Variants in RIPPLY3 observed in about 807,000 individuals in gnomAD.
RIPPLY3 encodes the protein ripply transcriptional repressor 3.
In RIPPLY3, 8 loss-of-function variants were observed where a neutral mutation model predicts 11.9. The ratio of observed to expected loss-of-function variants is 0.67; its 90% confidence interval spans 0.40 to 1.21. The LOEUF is 1.21. RIPPLY3 is among the 50% of genes most tolerant of loss of function. The pLI, the probability that RIPPLY3 is intolerant of heterozygous loss-of-function variation, is 0.01. For missense variants in RIPPLY3, 271 were observed against 246.0 expected (o/e 1.10, Z -0.68); for synonymous variants, 102 against 99.0 (o/e 1.03, Z -0.18).
chr21:37,013,606 A>G lies in RIPPLY3; in HGVS notation c.227A>G (p.Gln76Arg). 1 of 1,613,612 alleles carries G rather than the reference A, an allele frequency of 6.2e-7. No individual in the cohort carries two copies. Among genetic ancestry groups the G allele is most frequent in the Non-Finnish European group, 8.5e-7 (1 of 1,179,634 alleles). The change falls in exon 3 of 4, where the codon CAG (glutamine) becomes CGG (arginine). Residue 76 changes from glutamine (Q) to arginine (R), a missense_variant. Physicochemically the swap from Gln to Arg is conservative, Grantham distance 43. Transcript: ENST00000329553. Reference protein sequence around the residue: ...TFGSKGAFGFQHPVRVYLPMS... With the variant: ...TFGSKGAFGFRHPVRVYLPMS... ...GGATCAAAGGGAGCCTTTGGGTTTC[A>G]GCATCCTGTAAGGTAATATACGACT...
chr21:37,010,951 G>A (rs562298119), intron 2 of RIPPLY3, among the ~76,000 whole-genome samples: 6 of 152,000 alleles, frequency 3.9e-5, no homozygotes, highest in Non-Finnish European at 7.4e-5. Context: ...TCCCTCAGCA[G>A]ACAAAGGATC....
chr21:37,013,474 T>C, intron 2 of RIPPLY3, 77 bp from the exon 3 acceptor site: 1 of 1,249,264 alleles, frequency 8.0e-7, no homozygotes, highest in South Asian at 1.3e-5. Context: ...ACTTACGTTC[T>C]GTGGTTTAAA....
chr21:37,007,274 C>T (rs759618645), intron 1 of RIPPLY3, among the ~76,000 whole-genome samples: 29 of 152,080 alleles, frequency 1.9e-4, no homozygotes, highest in Non-Finnish European at 3.8e-4. Context: ...GCTCGGCGTT[C>T]GCTGTCCCTG....
chr21:37,015,833 G>T (rs1236772891), intron 3 of RIPPLY3, among the ~76,000 whole-genome samples: 1 of 151,230 alleles, frequency 6.6e-6, no homozygotes, highest in Non-Finnish European at 1.5e-5. Context: ...CTCGGCCTCT[G>T]GAGTAGCTGG....
At chr21:37,010,432 G>T (rs918793521) in intron 2 of RIPPLY3, among the ~76,000 whole-genome samples, 3 of 152,188 alleles carry the variant, frequency 2.0e-5, no homozygotes, top group Non-Finnish European at 4.4e-5. Flanking sequence ...GGCAGAGGTT[G>T]CAGTGAGCTG....
intron 2 of RIPPLY3, 124 bp from the exon 3 acceptor site, chr21:37,013,425 ACT>A: frequency 1.5e-6 from 1 of 674,110 alleles, no homozygotes; most frequent in Non-Finnish European, 2.6e-6. Flanking sequence ...AGGTGTCTAA[ACT>A]CTCTAAAATT....
Position 37,006,725 on chromosome 21 carries a change from C to T in RIPPLY3, c.-48C>T. On this transcript the variant is annotated 5_prime_UTR_variant, in exon 1 of 4. Transcript: ENST00000329553. This position sits in a 1 kb window ranked among gnomAD's most constrained non-coding sequence, Gnocchi z 5.2. ...GCGTTAGCCCGAGTGGATCTAGGCG[C>T]GCTCGTAGGCCGGCGCCGCAGCAAG... The T allele has an allele frequency of 8.6e-7, 1 of 1,161,522 alleles. No individual in the cohort carries two copies. The highest frequency in any genetic ancestry group is 3.3e-5 in the East Asian group (1 of 30,268). The allele number at this position is 1,161,522 out of a possible 1,614,324, so 72.0% of individuals were successfully genotyped here.
At position 37,018,108 on chromosome 21, in the gene RIPPLY3, C is replaced by A. The variant is rs138020510; in HGVS notation, c.474C>A (p.Asn158Lys). Residue 158 changes from asparagine (N) to lysine (K), a missense_variant, in exon 4 of 4, where the codon AAC becomes AAA. Transcript: ENST00000329553. ...GAAAGGGCAGAGACCAGGGCATCAA[C>A]CAAGGGCAGCGATCCTCAGGAGGGG... ...PGGKGRDQGI[N>K]QGQRSSGGGD... The A allele has an allele frequency of 3.1e-5, 50 of 1,613,940 alleles. No homozygotes were observed. The African/African-American group carries it at 3.6e-4, about 12-fold the overall frequency.
chr21:37,009,923 A>G (rs899515320), intron 2 of RIPPLY3, among the ~76,000 whole-genome samples: 5 of 152,122 alleles, frequency 3.3e-5, no homozygotes, highest in Non-Finnish European at 7.3e-5. Flanking sequence ...CTCTTTGCAG[A>G]GCCCAGCTGG....
At chr21:37,009,234 A>ATTT (rs5843784) in intron 2 of RIPPLY3, among the ~76,000 whole-genome samples, 1,628 of 147,832 alleles carry the variant, frequency 0.011, 27 homozygotes, top group African/African-American at 0.038. Context: ...CTTTTACTTA[A>ATTT]TTTTTTTTTT....
upstream of RIPPLY3, chr21:37,006,683 C>A (rs1179667641): frequency 2.0e-5 from 17 of 845,206 alleles, no homozygotes; most frequent in Non-Finnish European, 2.2e-5. The surrounding 1 kb of genome is among the most constrained non-coding windows in gnomAD (Gnocchi z 5.2). Flanking sequence ...TTAAACCTGG[C>A]GCGCGGGTAG....
rs1256104035 is a variant in RIPPLY3 at position 37,006,895 on chromosome 21, C to T, written c.104+19C>T. The T allele has an allele frequency of 1.7e-6, 2 of 1,195,514 alleles. No individual in the cohort carries two copies. The highest frequency in any genetic ancestry group is 2.1e-6 in the Non-Finnish European group (2 of 958,482). 74.1% of individuals were successfully genotyped at this position (1,195,514 alleles called of 1,614,324 possible). A position where few individuals can be genotyped will look rare whatever the true frequency, so the allele number is the denominator to read the frequency against. Reference sequence around the variant, plus strand: ...CGGAGAGGTGAGGGTGGCCCCGCGCCCCGGTGGACGCGCTGAGAGGCGTGC... The same window carrying T: ...CGGAGAGGTGAGGGTGGCCCCGCGCTCCGGTGGACGCGCTGAGAGGCGTGC... On this transcript the variant is annotated intron_variant, in intron 1 of 3. Coordinates refer to ENST00000329553, the MANE Select transcript of RIPPLY3 (RefSeq NM_018962.3). The surrounding 1 kb of genome is among the most constrained non-coding windows in gnomAD (Gnocchi z 5.2).
rs758282717 is a variant in RIPPLY3, at chr21:37,017,879, A to G, written c.245A>G (p.Tyr82Cys). 4 of 1,610,514 alleles carry G rather than the reference A, an allele frequency of 2.5e-6. No individual in the cohort carries two copies. Among genetic ancestry groups the G allele is most frequent in the Non-Finnish European group, 3.4e-6 (4 of 1,178,076 alleles). Residue 82 changes from tyrosine (Y) to cysteine (C), a missense_variant, in exon 4 of 4, where the codon TAT (tyrosine) becomes TGT (cysteine). Physicochemically the swap from Tyr to Cys is radical, Grantham distance 194. Coordinates refer to ENST00000329553, the MANE Select transcript of RIPPLY3 (RefSeq NM_018962.3). ...AFGFQHPVRVYLPMSKRQEYL... is the reference protein window; with the variant it reads ...AFGFQHPVRVCLPMSKRQEYL... ...ATTTGTTTCTTAAATATTAGAGTCTATTTACCCATGTCAAAGCGTCAAGAA... is the reference window on the plus strand; with the variant it reads ...ATTTGTTTCTTAAATATTAGAGTCTGTTTACCCATGTCAAAGCGTCAAGAA...
chr21:37,018,805 G>A lies in RIPPLY3; in HGVS notation c.*598G>A, dbSNP rs2069608972. The A allele has an allele frequency of 6.6e-6, 1 of 152,036 alleles. No individual in the cohort carries two copies. Among genetic ancestry groups the A allele is most frequent in the South Asian group, 2.1e-4 (1 of 4,814 alleles). The allele number at this position is 152,036 out of a possible 1,614,324, so 9.4% of individuals were successfully genotyped here. Reference sequence around the variant, plus strand: ...CTTCTTGGGTTCAAGTGATTCTCCTGTCTCAGCCTCCCAAGTAGCTGGGAT... The same window carrying A: ...CTTCTTGGGTTCAAGTGATTCTCCTATCTCAGCCTCCCAAGTAGCTGGGAT... On this transcript the variant is annotated 3_prime_UTR_variant, in exon 4 of 4. Transcript: ENST00000329553.
chr21:37,016,071 G>A (rs988027848), intron 3 of RIPPLY3, among the ~76,000 whole-genome samples: 5 of 152,050 alleles, frequency 3.3e-5, no homozygotes, highest in African/African-American at 1.2e-4. Flanking sequence ...GAATACTTCA[G>A]CATAAATACC....
chr21:37,018,867 T>C lies in RIPPLY3; in HGVS notation c.*660T>C, dbSNP rs949704354. ...GCTACCACGCCTGGCTAATTTTTTG[T>C]ATTTTTAGTAGAGACTCGGTTTCAC... On this transcript the variant is annotated 3_prime_UTR_variant, in exon 4 of 4. Transcript: ENST00000329553. 1.3e-5 allele frequency: 2 copies of C among 151,944 alleles called. No homozygotes were observed. The highest frequency in any genetic ancestry group is 4.0e-4 in the East Asian group (2 of 5,056). 9.4% of individuals were successfully genotyped at this position (151,944 alleles called of 1,614,324 possible).
chr21:37,006,744 C>T lies in RIPPLY3; in HGVS notation c.-29C>T, dbSNP rs1036534790. On this transcript the variant is annotated 5_prime_UTR_variant, in exon 1 of 4. Coordinates refer to ENST00000329553, the MANE Select transcript of RIPPLY3 (RefSeq NM_018962.3). The surrounding 1 kb of genome is among the most constrained non-coding windows in gnomAD (Gnocchi z 5.2). Reference sequence around the variant, plus strand: ...TAGGCGCGCTCGTAGGCCGGCGCCGCAGCAAGGGGCGCGGGCTCCGCCGGC... The same window carrying T: ...TAGGCGCGCTCGTAGGCCGGCGCCGTAGCAAGGGGCGCGGGCTCCGCCGGC... 6 of 1,212,816 alleles carry T rather than the reference C, an allele frequency of 4.9e-6. No homozygotes were observed. The highest frequency in any genetic ancestry group is 1.6e-5 in the African/African-American group (1 of 63,596). The allele number at this position is 1,212,816 out of a possible 1,614,324, so 75.1% of individuals were successfully genotyped here.
chr21:37,010,677 G>A (rs2146774364), intron 2 of RIPPLY3, among the ~76,000 whole-genome samples: 2 of 152,280 alleles, frequency 1.3e-5, no homozygotes, highest in East Asian at 3.9e-4. Context: ...TGCGGGCACT[G>A]TCAGGGAGGC....
chr21:37,008,210 G>A lies in RIPPLY3; in HGVS notation c.158G>A (p.Arg53Lys), dbSNP rs1018780899. The A allele has an allele frequency of 1.9e-6, 3 of 1,614,166 alleles. No individual in the cohort carries two copies. In the South Asian group the frequency reaches 3.3e-5, roughly 18 times the overall value. Residue 53 changes from arginine (R) to lysine (K), a missense_variant, in exon 2 of 4, where the codon AGA becomes AAA. Physicochemically the swap from Arg to Lys is conservative, Grantham distance 26. Transcript: ENST00000329553. Reference sequence around the variant, plus strand: ...ACACCTGGAGATGCTGAGCTGACCAGAACTGGAAGGCCGGTAAGGTTCAGT... The same window carrying A: ...ACACCTGGAGATGCTGAGCTGACCAAAACTGGAAGGCCGGTAAGGTTCAGT... The part of the protein sequence containing the change: ...IQTPGDAELT[R>K]TGRPLEPRAD...
Sources: allele counts gnomAD v4.1 joint callset (sites outside exome capture counted in the v4.1 genomes callset), GRCh38; gene constraint gnomAD v4.1.1; non-coding constraint Gnocchi (gnomAD v3.1); transcripts MANE v1.5; gene names NCBI Gene and HGNC (gene_info 2026-07-23, HGNC 2026-07-21).